Variants in KLF12 observed in about 807,000 individuals in gnomAD.
KLF12 encodes the protein Krueppel-like factor 12.
A neutral mutation model predicts 37.8 loss-of-function variants in KLF12; 9 were observed. That is an observed-to-expected ratio of 0.24 (90% CI 0.14 to 0.42). KLF12 has a LOEUF of 0.42. KLF12 is among the 10% of genes least tolerant of loss of function. The pLI, the probability that KLF12 is intolerant of heterozygous loss-of-function variation, is 1.00. For synonymous variants in KLF12, 208 were observed against 202.1 expected, an observed-to-expected ratio of 1.03 and a Z score of -0.25; for missense variants, 411 against 516.0, an observed-to-expected ratio of 0.80 and a Z score of 1.97.
chr13:74,159,454 A>T, the KLF12 span, among the ~76,000 whole-genome samples: 816 of 152,362 alleles, frequency 5.4e-3, 11 homozygotes, highest in African/African-American at 0.019. Context: ...ATAATGCTGA[A>T]AATTCTAACA....
chr13:74,062,863 A>C (rs2138658478), intron 1 of KLF12, among the ~76,000 whole-genome samples: 1 of 152,254 alleles, frequency 6.6e-6, no homozygotes, highest in South Asian at 2.1e-4. Flanking sequence ...ACAGGAACCT[A>C]TTTTGTTGGA....
intron 1 of KLF12, among the ~76,000 whole-genome samples, chr13:74,006,729 T>A (rs1892418337): frequency 6.6e-6 from 1 of 152,164 alleles, no homozygotes; most frequent in South Asian, 2.1e-4. Context: ...TATCTTTGAG[T>A]CAATGTTAAC....
intron 3 of KLF12, among the ~76,000 whole-genome samples, chr13:73,849,076 T>A (rs1268502078): frequency 1.3e-5 from 2 of 152,168 alleles, no homozygotes; most frequent in African/African-American, 2.4e-5. Flanking sequence ...CAGACATATC[T>A]GTAAAGCCAG....
chr13:74,210,492 A>G, the KLF12 span, among the ~76,000 whole-genome samples: 2 of 152,176 alleles, frequency 1.3e-5, no homozygotes, highest in African/African-American at 4.8e-5. Context: ...TTAGTTAGCT[A>G]TGCTATGAAA....
intron 1 of KLF12, among the ~76,000 whole-genome samples, chr13:74,064,593 A>T (rs781059570): frequency 6.6e-6 from 1 of 152,236 alleles, no homozygotes; most frequent in Non-Finnish European, 1.5e-5. Flanking sequence ...CCTGAAATTA[A>T]GAGTTATCAT....
intron 3 of KLF12, among the ~76,000 whole-genome samples, chr13:73,876,339 T>C (rs1886703399): frequency 6.6e-6 from 1 of 152,150 alleles, no homozygotes; most frequent in South Asian, 2.1e-4. Flanking sequence ...GTCCTTGCAA[T>C]GTGGCAATCT....
intron 1 of KLF12, among the ~76,000 whole-genome samples, chr13:74,125,436 A>AT (rs1877890045): frequency 6.6e-6 from 1 of 152,130 alleles, no homozygotes; most frequent in African/African-American, 2.4e-5. Flanking sequence ...ACGATACTGG[A>AT]TATTGTGCTA....
intron 7 of KLF12, among the ~76,000 whole-genome samples, chr13:73,708,324 A>G (rs934725945): frequency 2.0e-5 from 3 of 152,200 alleles, no homozygotes; most frequent in Non-Finnish European, 2.9e-5. Flanking sequence ...CAGTATGTCA[A>G]TTGGGGATAG....
intron 2 of KLF12, among the ~76,000 whole-genome samples, chr13:73,991,643 TCAAA>T (rs549306485): frequency 4.7e-4 from 71 of 152,322 alleles, no homozygotes; most frequent in African/African-American, 1.5e-3. Context: ...GGGTTCCAGA[TCAAA>T]CAGACAGATA....
chr13:74,200,315 A>G, the KLF12 span, among the ~76,000 whole-genome samples: 1 of 152,142 alleles, frequency 6.6e-6, no homozygotes, highest in African/African-American at 2.4e-5. Flanking sequence ...GAGGAGAGAA[A>G]AAGCTATATG....
chr13:73,731,617 T>A (rs1877069122), intron 6 of KLF12, among the ~76,000 whole-genome samples: 2 of 151,768 alleles, frequency 1.3e-5, no homozygotes. Context: ...ATTACTAAGT[T>A]TATAGTTGGC....
At chr13:74,214,786 G>A in the KLF12 span, among the ~76,000 whole-genome samples, 1 of 151,960 alleles carries the variant, frequency 6.6e-6, no homozygotes, top group Non-Finnish European at 1.5e-5. Flanking sequence ...TCAATTTGAG[G>A]AAAATTCCTT....
chr13:74,217,079 T>C, the KLF12 span, among the ~76,000 whole-genome samples: 1 of 152,308 alleles, frequency 6.6e-6, no homozygotes, highest in East Asian at 1.9e-4. Context: ...TATCTAGGGA[T>C]TTCTAAAAGA....
chr13:74,253,867 A>G, the KLF12 span, among the ~76,000 whole-genome samples: 1 of 152,208 alleles, frequency 6.6e-6, no homozygotes, highest in African/African-American at 2.4e-5. Flanking sequence ...TGTGAGCTCC[A>G]TAGTGCACAT....
At chr13:73,855,943 T>C (rs2138760577) in intron 3 of KLF12, among the ~76,000 whole-genome samples, 1 of 152,196 alleles carries the variant, frequency 6.6e-6, no homozygotes, top group South Asian at 2.1e-4. Context: ...GGTAAAGGAG[T>C]ATACAGTCAT....
intron 2 of KLF12, among the ~76,000 whole-genome samples, chr13:73,981,853 C>T (rs1316198515): frequency 1.3e-5 from 2 of 152,122 alleles, no homozygotes; most frequent in African/African-American, 4.8e-5. Flanking sequence ...AGCTTCCAAA[C>T]TCTGAGCAAT....
In KLF12 at chr13:73,687,139, T is replaced by G. The variant is rs1314682370; in HGVS notation, c.*8351A>C. On this transcript the variant is annotated 3_prime_UTR_variant, in exon 8 of 8. Coordinates refer to ENST00000377669, the MANE Select transcript of KLF12 (RefSeq NM_007249.5). ...GAGTACATTCTTCTATGGACAAACA[T>G]GAATTTGCTGGTTTCTCTTTTTTTA... 2.0e-5 allele frequency: 3 copies of G among 152,684 alleles called. No homozygotes were observed. Among genetic ancestry groups the G allele is most frequent in the African/African-American group, 7.2e-5 (3 of 41,474 alleles). The allele number at this position is 152,684 out of a possible 1,614,324, so 9.5% of individuals were successfully genotyped here. A position where few individuals can be genotyped will look rare whatever the true frequency, so the allele number is the denominator to read the frequency against.
intron 5 of KLF12, among the ~76,000 whole-genome samples, chr13:73,793,016 G>A (rs1594097570): frequency 6.6e-6 from 1 of 152,262 alleles, no homozygotes; most frequent in East Asian, 1.9e-4. Context: ...GTACTCAACT[G>A]TGCAATTTTA....
intron 6 of KLF12, among the ~76,000 whole-genome samples, chr13:73,717,656 G>T (rs1253432247): frequency 1.3e-5 from 2 of 152,196 alleles, no homozygotes; most frequent in Non-Finnish European, 2.9e-5. Context: ...TAGAATGAAA[G>T]AACATATGTT....
Sources: allele counts gnomAD v4.1 joint callset (sites outside exome capture counted in the v4.1 genomes callset), GRCh38; gene constraint gnomAD v4.1.1; transcripts MANE v1.5; gene names NCBI Gene and HGNC (gene_info 2026-07-23, HGNC 2026-07-21).